The following DCAF1 variants were observed in gnomAD, a reference collection of about 807,000 sequenced individuals.
DCAF1 encodes the protein DDB1 and CUL4 associated factor 1.
A neutral mutation model predicts 128.0 loss-of-function variants in DCAF1; 15 were observed. That is an observed-to-expected ratio of 0.12 (90% CI 0.08 to 0.18). The LOEUF (loss-of-function observed/expected upper bound fraction) is 0.18, where lower values mean the gene tolerates loss of function less well. Ranked by LOEUF, DCAF1 falls within the 10% of genes least tolerant of loss-of-function variation. DCAF1 has a pLI of 1.00. For synonymous variants in DCAF1, 610 were observed against 603.0 expected (o/e 1.01, Z -0.17); for missense variants, 988 against 1,649.5 (o/e 0.60, Z 6.95).
At chr3:51,502,193 C>T (rs781783111), upstream of DCAF1, among the ~76,000 whole-genome samples, 13 of 152,148 alleles carry the variant, frequency 8.5e-5, no homozygotes, top group Non-Finnish European at 1.5e-5. Context: ...GCTTAGCTCA[C>T]GCGCTCCTGG....
intron 6 of DCAF1, among the ~76,000 whole-genome samples, chr3:51,444,389 C>T (rs1028326560): frequency 1.3e-5 from 2 of 151,774 alleles, no homozygotes; most frequent in Non-Finnish European, 1.5e-5. Flanking sequence ...CTCACTCTGT[C>T]GCCCAGGCTG....
intron 3 of DCAF1, among the ~76,000 whole-genome samples, chr3:51,478,851 T>A (rs1351422751): frequency 2.6e-5 from 4 of 152,140 alleles, no homozygotes; most frequent in East Asian, 1.9e-4. Context: ...TCAGCAATAA[T>A]CCTGTTCCTT....
intron 3 of DCAF1, among the ~76,000 whole-genome samples, chr3:51,483,069 G>A (rs187751251): frequency 5.0e-4 from 75 of 149,902 alleles, no homozygotes; most frequent in African/African-American, 1.7e-3. Flanking sequence ...AACCCAGGAG[G>A]CGGAGGTTAC....
chr3:51,451,069 C>A (rs377581653), intron 6 of DCAF1, among the ~76,000 whole-genome samples: 2 of 27,100 alleles, frequency 7.4e-5, no homozygotes, highest in Non-Finnish European at 1.4e-4. Flanking sequence ...AAAGGAAATT[C>A]TTTTTTTTTT....
chr3:51,493,101 T>C (rs11707158), intron 2 of DCAF1, among the ~76,000 whole-genome samples: 4,272 of 151,752 alleles, frequency 0.028, 93 homozygotes, highest in Middle Eastern at 0.051. Context: ...AAGTCACATG[T>C]AGAATTACTA....
In DCAF1 at chr3:51,420,512, G is replaced by A. The variant is rs1699300736; in HGVS notation, c.2458C>T (p.Pro820Ser). The A allele has an allele frequency of 6.2e-7, 1 of 1,613,808 alleles. No individual in the cohort carries two copies. The highest frequency in any genetic ancestry group is 1.3e-5 in the African/African-American group (1 of 74,934). The change falls in exon 15 of 25, where the codon CCA (proline) becomes TCA (serine). Residue 820 changes from proline (P) to serine (S), a missense_variant. Transcript: ENST00000684031. This position sits in a 1 kb window ranked among gnomAD's most constrained non-coding sequence, Gnocchi z 6.5. ...GAAACATCAGTGCCAATGAGAAGTG[G>A]TTTTCCTGACACCCGTTCAATGAGT... ...AELIERVSGK[P>S]LLIGTDVSLA...
In DCAF1 at chr3:51,416,848, T is replaced by C. The variant is rs782588216; in HGVS notation, c.3542A>G (p.Tyr1181Cys). 2 of 1,610,788 alleles carry C rather than the reference T, an allele frequency of 1.2e-6. No individual in the cohort carries two copies. The highest frequency in any genetic ancestry group is 1.7e-6 in the Non-Finnish European group (2 of 1,178,416). Residue 1181 changes from tyrosine (Y) to cysteine (C), a missense_variant, in exon 18 of 25, where the codon TAT becomes TGT. By Grantham distance (194) the Tyr-to-Cys change is radical (BLOSUM62 -2). Coordinates refer to ENST00000684031, the MANE Select transcript of DCAF1 (RefSeq NM_001387579.1). Reference sequence around the variant, plus strand: ...CTGGGAGTGCTTACTGAACTCAACATAGTGATCTTCTGTGAAGGAATGCCT... The same window carrying C: ...CTGGGAGTGCTTACTGAACTCAACACAGTGATCTTCTGTGAAGGAATGCCT... ...DMKHSFTEDH[Y>C]VEFSKHSQDR...
intron 3 of DCAF1, among the ~76,000 whole-genome samples, chr3:51,481,599 G>T (rs1444622991): frequency 6.6e-6 from 1 of 152,100 alleles, no homozygotes; most frequent in East Asian, 1.9e-4. Flanking sequence ...AGAGGCTCAG[G>T]CAGGAGAATC....
chr3:51,437,657 T>C (rs1419463756), intron 9 of DCAF1, among the ~76,000 whole-genome samples: 2 of 151,668 alleles, frequency 1.3e-5, no homozygotes, highest in African/African-American at 4.8e-5. Flanking sequence ...CTACCAAAAA[T>C]ACAAAAAATT....
intron 6 of DCAF1, among the ~76,000 whole-genome samples, chr3:51,446,121 G>C (rs1055856422): frequency 1.3e-5 from 2 of 151,266 alleles, no homozygotes; most frequent in Non-Finnish European, 2.9e-5. Flanking sequence ...GGCCTCCCGA[G>C]TAGCTGGGAT....
intron 23 of DCAF1, among the ~76,000 whole-genome samples, chr3:51,404,841 A>C (rs2089991490): frequency 6.6e-6 from 1 of 152,202 alleles, no homozygotes; most frequent in Non-Finnish European, 1.5e-5. Flanking sequence ...TGAGTGGATA[A>C]ATAACTACTA....
chr3:51,407,542 T>C (rs1697974535), intron 23 of DCAF1, among the ~76,000 whole-genome samples: 1 of 152,184 alleles, frequency 6.6e-6, no homozygotes, highest in Non-Finnish European at 1.5e-5. Flanking sequence ...CATTATTCCT[T>C]TGTTGAGTTT....
At position 51,444,475 on chromosome 3, in the gene DCAF1, T is replaced by A. The variant is rs562684553; in HGVS notation, c.376-572A>T. Among the ~76,000 whole-genome samples, 3 of 151,884 alleles carry A rather than the reference T, an allele frequency of 2.0e-5. No individual in the cohort carries two copies. The South Asian group carries it at 6.2e-4, about 32-fold the overall frequency. ...AAGCGATTCTCCTGCCTCAGCCTCC[T>A]GAATACCTTGGACTACAGGCATGTG... On this transcript the variant is annotated intron_variant, in intron 6 of 24. Transcript: ENST00000684031.
At chr3:51,459,400 T>C (rs1307080253) in intron 6 of DCAF1, among the ~76,000 whole-genome samples, 1 of 152,154 alleles carries the variant, frequency 6.6e-6, no homozygotes, top group African/African-American at 2.4e-5. Context: ...GGCTCTGAAA[T>C]TGAGGCAATA....
intron 5 of DCAF1, among the ~76,000 whole-genome samples, chr3:51,465,836 A>G (rs554490538): frequency 2.4e-4 from 36 of 152,312 alleles, no homozygotes; most frequent in Admixed American, 2.4e-3. Context: ...AAGCACCTTC[A>G]TGCTTAATTT....
chr3:51,404,033 G>C (rs2106887885), intron 23 of DCAF1, among the ~76,000 whole-genome samples: 1 of 152,240 alleles, frequency 6.6e-6, no homozygotes, highest in Non-Finnish European at 1.5e-5. Context: ...ATTCTTACAA[G>C]AACTTGCAAA....
chr3:51,420,883 A>G lies in DCAF1; in HGVS notation c.2087T>C (p.Ile696Thr). 1.9e-6 allele frequency: 3 copies of G among 1,614,010 alleles called. No individual in the cohort carries two copies. The highest frequency in any genetic ancestry group is 2.5e-6 in the Non-Finnish European group (3 of 1,179,896). ...AGAGATAAATTTACCAATACTGGAT[A>G]TTCGGTTATCTGGGCCACACACACA... ...INCVCGPDNR[I>T]SSIGKFISGT... Residue 696 changes from isoleucine (I) to threonine (T), a missense_variant, in exon 15 of 25, where the codon ATA (isoleucine) becomes ACA (threonine). Ile to Thr is a moderately conservative substitution (Grantham distance 89). Around this residue, in one of 11 missense-constraint regions of DCAF1, gnomAD observed 185 missense variants for 248.1 expected, o/e 0.75. Coordinates refer to ENST00000684031, the MANE Select transcript of DCAF1 (RefSeq NM_001387579.1). The surrounding 1 kb of genome is among the most constrained non-coding windows in gnomAD (Gnocchi z 6.5).
chr3:51,425,340 T>C (rs1385114737), intron 13 of DCAF1, among the ~76,000 whole-genome samples: 1 of 151,798 alleles, frequency 6.6e-6, no homozygotes, highest in Non-Finnish European at 1.5e-5. Flanking sequence ...GGCTTGGTGG[T>C]GCGTGTCTGT....
upstream of DCAF1, among the ~76,000 whole-genome samples, chr3:51,501,598 G>T (rs1303491708): frequency 2.0e-5 from 3 of 152,044 alleles, no homozygotes; most frequent in African/African-American, 7.2e-5. Context: ...CTGAATCCTG[G>T]GTCCCTTGGT....
Sources: allele counts gnomAD v4.1 joint callset (sites outside exome capture counted in the v4.1 genomes callset), GRCh38; gene constraint gnomAD v4.1.1; regional missense constraint gnomAD v4.1.1; non-coding constraint Gnocchi (gnomAD v3.1); transcripts MANE v1.5; gene names NCBI Gene and HGNC (gene_info 2026-07-23, HGNC 2026-07-21).